Variants in DLC1 observed in about 807,000 individuals in gnomAD.
DLC1 encodes rho GTPase-activating protein 7.
DLC1 carries 54 observed loss-of-function variants against 140.3 expected under a neutral mutation model. That is an observed-to-expected ratio of 0.38 (90% CI 0.31 to 0.48). The LOEUF (loss-of-function observed/expected upper bound fraction) is 0.48, where lower values mean the gene tolerates loss of function less well. Among genes scored for constraint, DLC1 ranks in the 20% least tolerant of loss-of-function variants. The pLI is 0.96. For missense variants in DLC1, 2,536 were observed against 1,907.0 expected, an observed-to-expected ratio of 1.33 and a Z score of -6.14; for synonymous variants, 986 against 728.1, an observed-to-expected ratio of 1.35 and a Z score of -5.70.
intron 5 of DLC1, among the ~76,000 whole-genome samples, chr8:13,119,968 A>T (rs1036933132): frequency 8.4e-6 from 1 of 119,002 alleles, no homozygotes; most frequent in African/African-American, 2.5e-5. Context: ...TCTACATTCA[A>T]ATGCCATAGT....
intron 4 of DLC1, among the ~76,000 whole-genome samples, chr8:13,327,447 T>A (rs563179592): frequency 1.3e-5 from 2 of 152,124 alleles, no homozygotes; most frequent in South Asian, 2.1e-4. Flanking sequence ...AAACATATTT[T>A]ATTTTTTAAT....
intron 5 of DLC1, among the ~76,000 whole-genome samples, chr8:13,206,267 C>G (rs898934723): frequency 1.4e-4 from 22 of 152,068 alleles, no homozygotes; most frequent in African/African-American, 5.3e-4. Flanking sequence ...GGTTAGCAGG[C>G]TAAAATACAT....
chr8:13,300,960 C>T (rs1334488270), intron 5 of DLC1, among the ~76,000 whole-genome samples: 1 of 152,028 alleles, frequency 6.6e-6, no homozygotes, highest in Non-Finnish European at 1.5e-5. Context: ...GAAGCAGTGG[C>T]CAGAGGAATG....
intron 5 of DLC1, among the ~76,000 whole-genome samples, chr8:13,287,864 G>C (rs1030625182): frequency 6.6e-6 from 1 of 151,594 alleles, no homozygotes; most frequent in Admixed American, 6.6e-5. Flanking sequence ...TTATAAGGTA[G>C]ATTTTCCTTT....
At chr8:13,103,849 AAAAAAAAAAAGAAAGAAAG>A (rs1563605143) in intron 7 of DLC1, among the ~76,000 whole-genome samples, 1 of 149,470 alleles carries the variant, frequency 6.7e-6, no homozygotes, top group Non-Finnish European at 1.5e-5. Context: ...CAAAAAAAAA[AAAAAAAAAAAGAAAGAAAG>A]AAAAGAAAAG....
chr8:13,123,717 C>G (rs1462551331), intron 5 of DLC1, among the ~76,000 whole-genome samples: 1 of 152,084 alleles, frequency 6.6e-6, no homozygotes. Flanking sequence ...TACTTTCTGT[C>G]TTTCCTCTTT....
intron 5 of DLC1, among the ~76,000 whole-genome samples, chr8:13,156,617 A>T (rs1162444167): frequency 6.6e-6 from 1 of 152,158 alleles, no homozygotes; most frequent in African/African-American, 2.4e-5. Context: ...CATACTGGTT[A>T]GGGGGAGGAA....
intron 5 of DLC1, among the ~76,000 whole-genome samples, chr8:13,159,326 C>A (rs1048301078): frequency 2.6e-5 from 4 of 152,150 alleles, no homozygotes; most frequent in African/African-American, 9.7e-5. Flanking sequence ...CGTAAAATTG[C>A]CCTTGTTAGG....
At chr8:13,188,331 G>A (rs1826506602) in intron 5 of DLC1, among the ~76,000 whole-genome samples, 1 of 138,496 alleles carries the variant, frequency 7.2e-6, no homozygotes, top group Non-Finnish European at 1.5e-5. Flanking sequence ...TACTTTGGTA[G>A]ACATTTAGTT....
intron 2 of DLC1, among the ~76,000 whole-genome samples, chr8:13,456,348 C>T (rs1333766705): frequency 2.0e-5 from 3 of 152,136 alleles, no homozygotes; most frequent in African/African-American, 7.2e-5. Context: ...AGTTTTTTTG[C>T]CTTGCCTATA....
chr8:13,452,460 A>T (rs1799110417), intron 2 of DLC1, among the ~76,000 whole-genome samples: 1 of 152,172 alleles, frequency 6.6e-6, no homozygotes, highest in Non-Finnish European at 1.5e-5. Flanking sequence ...CCTCATGCCC[A>T]AATCTATAAT....
chr8:13,198,688 A>G (rs1827206516), intron 5 of DLC1, among the ~76,000 whole-genome samples: 7 of 150,364 alleles, frequency 4.7e-5, no homozygotes, highest in Admixed American at 4.6e-4. Flanking sequence ...TTAACCCTCA[A>G]CCTACAGATA....
At chr8:13,369,612 G>A (rs973572015) in intron 4 of DLC1, among the ~76,000 whole-genome samples, 1 of 152,098 alleles carries the variant, frequency 6.6e-6, no homozygotes, top group African/African-American at 2.4e-5. Flanking sequence ...TATGGACAAT[G>A]TTCAATTCAT....
At chr8:13,521,778 A>G (rs1366865534) in intron 1 of DLC1, among the ~76,000 whole-genome samples, 2 of 152,200 alleles carry the variant, frequency 1.3e-5, no homozygotes, top group Non-Finnish European at 2.9e-5. Context: ...AAGTACAAAT[A>G]TGCCTGTTCT....
In DLC1 at chr8:13,500,006, A is replaced by C; in HGVS notation, c.66T>G (p.Phe22Leu). 2.5e-6 allele frequency: 4 copies of C among 1,614,088 alleles called. No homozygotes were observed. Among genetic ancestry groups the C allele is most frequent in the Non-Finnish European group, 3.4e-6 (4 of 1,179,978 alleles). ...EHVTHWMGQPFNSDDRNTACH... is the reference protein window; with the variant it reads ...EHVTHWMGQPLNSDDRNTACH... ...ATGCTGTGTTACGATCATCAGAATTAAAAGGCTGTCCCATCCAGTGGGTCA... is the reference window on the plus strand; with the variant it reads ...ATGCTGTGTTACGATCATCAGAATTCAAAGGCTGTCCCATCCAGTGGGTCA... Residue 22 changes from phenylalanine (F) to leucine (L), a missense_variant, in exon 2 of 18, where the codon TTT (phenylalanine) becomes TTG (leucine). By Grantham distance (22) the Phe-to-Leu change is conservative. Coordinates refer to ENST00000276297, the MANE Select transcript of DLC1 (RefSeq NM_182643.3).
At chr8:13,387,311 A>C (rs568069218) in intron 4 of DLC1, among the ~76,000 whole-genome samples, 1 of 152,162 alleles carries the variant, frequency 6.6e-6, no homozygotes, top group African/African-American at 2.4e-5. Context: ...TTTTGTTTTA[A>C]ATATTGAACA....
At chr8:13,591,025 G>T (rs1206162469) in intron 1 of DLC1, among the ~76,000 whole-genome samples, 1 of 151,930 alleles carries the variant, frequency 6.6e-6, no homozygotes, top group African/African-American at 2.4e-5. Flanking sequence ...AATTGACATT[G>T]AACATAAGGA....
intron 5 of DLC1, among the ~76,000 whole-genome samples, chr8:13,229,684 TC>T (rs1391740533): frequency 6.6e-6 from 1 of 151,922 alleles, no homozygotes; most frequent in Admixed American, 6.6e-5. Context: ...GAGAGAGACT[TC>T]TTTTTCTTGG....
chr8:13,435,531 C>T (rs1027563256), intron 2 of DLC1, among the ~76,000 whole-genome samples: 1 of 152,144 alleles, frequency 6.6e-6, no homozygotes, highest in African/African-American at 2.4e-5. Flanking sequence ...TCAGGCTGGT[C>T]TTGAACTCCT....
Sources: gnomAD v4.1 joint callset for allele counts (sites outside exome capture counted in the v4.1 genomes callset) on GRCh38, gnomAD v4.1.1 for gene constraint, MANE v1.5 for transcripts, NCBI Gene and HGNC (gene_info 2026-07-23, HGNC 2026-07-21) for gene names.